PKP4: variants seen among roughly 807,000 people sequenced by gnomAD.
PKP4 encodes plakophilin-4.
A neutral mutation model predicts 145.1 loss-of-function variants in PKP4; 90 were observed. The observed-to-expected ratio is 0.62, with a 90% CI of 0.52 to 0.74. PKP4 has a LOEUF of 0.74. Ranked by LOEUF, PKP4 falls within the 30% of genes least tolerant of loss-of-function variation. PKP4 has a pLI of 0.00. For synonymous variants in PKP4, 563 were observed against 577.2 expected, an observed-to-expected ratio of 0.98 and a Z score of 0.35; for missense variants, 1,340 against 1,482.7, an observed-to-expected ratio of 0.90 and a Z score of 1.58.
intron 2 of PKP4, among the ~76,000 whole-genome samples, chr2:158,539,964 AC>A (rs1230717186): frequency 2.6e-5 from 4 of 152,160 alleles, no homozygotes; most frequent in African/African-American, 9.7e-5. Context: ...AAAGAATACT[AC>A]AGAGTATGGC....
chr2:158,498,670 A>G (rs1382062318), intron 1 of PKP4, among the ~76,000 whole-genome samples: 1 of 152,182 alleles, frequency 6.6e-6, no homozygotes, highest in Non-Finnish European at 1.5e-5. Context: ...CTGCAGTGTT[A>G]AACAGTGGAG....
chr2:158,580,685 T>A (rs944781618), intron 3 of PKP4, among the ~76,000 whole-genome samples: 1 of 152,114 alleles, frequency 6.6e-6, no homozygotes, highest in Admixed American at 6.5e-5. Context: ...TATTATGAAA[T>A]TTTAAGGGTT....
At chr2:158,485,139 T>G (rs1693983827) in intron 1 of PKP4, among the ~76,000 whole-genome samples, 1 of 152,168 alleles carries the variant, frequency 6.6e-6, no homozygotes, top group Non-Finnish European at 1.5e-5. Context: ...TTCTCTATAA[T>G]TAGAATGTCC....
At chr2:158,621,867 C>A (rs1360706960) in intron 6 of PKP4, among the ~76,000 whole-genome samples, 1 of 151,566 alleles carries the variant, frequency 6.6e-6, no homozygotes, top group Non-Finnish European at 1.5e-5. Flanking sequence ...ATAGTAAAAT[C>A]ATTTTATTCT....
chr2:158,574,324 A>C (rs948822637), intron 2 of PKP4, among the ~76,000 whole-genome samples: 8 of 152,208 alleles, frequency 5.3e-5, no homozygotes, highest in Non-Finnish European at 8.8e-5. Flanking sequence ...CCTATAATTA[A>C]GATTCCCAAT....
At chr2:158,573,082 A>G (rs2105771555) in intron 2 of PKP4, among the ~76,000 whole-genome samples, 1 of 152,354 alleles carries the variant, frequency 6.6e-6, no homozygotes, top group South Asian at 2.1e-4. Context: ...CAGAATGTTT[A>G]TGATTACATA....
chr2:158,567,027 A>T (rs1281724512), intron 2 of PKP4, among the ~76,000 whole-genome samples: 1 of 152,198 alleles, frequency 6.6e-6, no homozygotes, highest in Non-Finnish European at 1.5e-5. Context: ...TGTCTGAGAG[A>T]TCAAGATGTC....
At chr2:158,624,727 G>A in intron 6 of PKP4, 151 bp from the exon 7 acceptor site, 1 of 457,232 alleles carries the variant, frequency 2.2e-6, no homozygotes, top group Non-Finnish European at 3.7e-6. Context: ...AAAAATTAAT[G>A]TCTGGCTCAA....
At chr2:158,631,061 C>G (rs891717365) in intron 7 of PKP4, among the ~76,000 whole-genome samples, 1 of 152,028 alleles carries the variant, frequency 6.6e-6, no homozygotes, top group African/African-American at 2.4e-5. Flanking sequence ...CCTCAGCCTC[C>G]CGAGTAGCTG....
intron 1 of PKP4, among the ~76,000 whole-genome samples, chr2:158,478,992 T>C (rs903158997): frequency 1.6e-4 from 25 of 152,210 alleles, no homozygotes; most frequent in African/African-American, 5.3e-4. Flanking sequence ...GTATTGGAAT[T>C]AGTAAATCCC....
At chr2:158,659,019 T>C (rs1187467245) in intron 12 of PKP4, 2 of 152,264 alleles carry the variant, frequency 1.3e-5, no homozygotes, top group South Asian at 2.1e-4. Flanking sequence ...GGGATGATAA[T>C]ACCACCTCAG....
intron 11 of PKP4, among the ~76,000 whole-genome samples, chr2:158,643,703 G>T (rs1352682560): frequency 7.6e-6 from 1 of 130,726 alleles, no homozygotes; most frequent in African/African-American, 2.7e-5. Flanking sequence ...GACAAGTGAG[G>T]CCCTGTTTCA....
chr2:158,634,558 A>C (rs1307666937), intron 9 of PKP4, among the ~76,000 whole-genome samples: 1 of 152,216 alleles, frequency 6.6e-6, no homozygotes, highest in African/African-American at 2.4e-5. Flanking sequence ...CATCACTGAA[A>C]TATTTCATCA....
chr2:158,603,788 G>A (rs994663884), intron 4 of PKP4, among the ~76,000 whole-genome samples: 1 of 152,176 alleles, frequency 6.6e-6, no homozygotes, highest in African/African-American at 2.4e-5. Flanking sequence ...AGCTTACATC[G>A]TAATCAGTAA....
intron 1 of PKP4, among the ~76,000 whole-genome samples, chr2:158,516,448 A>G (rs936420418): frequency 6.6e-6 from 1 of 152,188 alleles, no homozygotes; most frequent in African/African-American, 2.4e-5. Flanking sequence ...AGAATTTTAA[A>G]TTGAATCTTT....
intron 1 of PKP4, among the ~76,000 whole-genome samples, chr2:158,520,700 A>G (rs1261702607): frequency 6.6e-6 from 1 of 152,216 alleles, no homozygotes; most frequent in African/African-American, 2.4e-5. Context: ...CCTCTCTGAG[A>G]TCACAGCCCC....
chr2:158,568,466 A>G (rs181856931), intron 2 of PKP4, among the ~76,000 whole-genome samples: 1 of 152,296 alleles, frequency 6.6e-6, no homozygotes, highest in Non-Finnish European at 1.5e-5. Flanking sequence ...TAGACAACAC[A>G]GTAGGTGGGG....
At chr2:158,508,386 AAAGAAG>A (rs1330566209) in intron 1 of PKP4, among the ~76,000 whole-genome samples, 1 of 27,098 alleles carries the variant, frequency 3.7e-5, no homozygotes, top group African/African-American at 2.4e-4. Flanking sequence ...AAAAAAAAAA[AAAGAAG>A]AAGAAGATGC....
Position 158,559,795 on chromosome 2 carries a change from T to A in PKP4, c.133-17476T>A, listed in dbSNP as rs1303588292. On this transcript the variant is annotated intron_variant, in intron 2 of 21. Coordinates refer to ENST00000389759, the MANE Select transcript of PKP4 (RefSeq NM_003628.6). ...GAGTAATATGATGGGAAATACTGAA[T>A]TAAGACTTTGGGTTGCTTTAAATCA... 2.0e-5 allele frequency among the ~76,000 whole-genome samples: 3 copies of A among 152,090 alleles called. No individual in the cohort carries two copies. In the South Asian group the frequency reaches 6.2e-4, roughly 32 times the overall value.
Sources: gnomAD v4.1 joint callset for allele counts (sites outside exome capture counted in the v4.1 genomes callset) on GRCh38, gnomAD v4.1.1 for gene constraint, MANE v1.5 for transcripts, NCBI Gene and HGNC (gene_info 2026-07-23, HGNC 2026-07-21) for gene names.